The following YWHAG variants were observed in gnomAD, a reference collection of about 807,000 sequenced individuals.
YWHAG encodes the protein tyrosine 3-monooxygenase/tryptophan 5-monooxygenase activation protein gamma, also known as 14-3-3 protein gamma.
Under a neutral mutation model 23.3 loss-of-function variants are expected in YWHAG, and 1 was observed. That is an observed-to-expected ratio of 0.04 (90% CI 0.02 to 0.20). The LOEUF (loss-of-function observed/expected upper bound fraction) is 0.20. YWHAG is among the 10% of genes least tolerant of loss of function. The probability of loss-of-function intolerance (pLI) is 1.00; values close to 1 mark genes in which losing one functional copy is unlikely to be tolerated. For missense variants in YWHAG, 151 were observed against 338.6 expected (o/e 0.45, Z 4.35); for synonymous variants, 160 against 144.0 (o/e 1.11, Z -0.80).
rs143181339 is a variant in YWHAG, at chr7:76,344,174, G to A, written c.88-13941C>T. Among the ~76,000 whole-genome samples, 212 of 152,104 alleles carry A rather than the reference G, an allele frequency of 1.4e-3. 2 individuals are homozygous for A. Among genetic ancestry groups the A allele is most frequent in the African/African-American group, 5.0e-3 (207 of 41,510 alleles). On this transcript the variant is annotated intron_variant, in intron 1 of 1. Coordinates refer to ENST00000307630, the MANE Select transcript of YWHAG (RefSeq NM_012479.4). Reference sequence around the variant, plus strand: ...TGCCTAGGCTGGAATGCAGTGGTGCGATATCGGCTCACTGCAGCCTCCACC... The same window carrying A: ...TGCCTAGGCTGGAATGCAGTGGTGCAATATCGGCTCACTGCAGCCTCCACC...
intron 1 of YWHAG, among the ~76,000 whole-genome samples, chr7:76,355,722 CT>C (rs1803945638): frequency 6.6e-6 from 1 of 152,138 alleles, no homozygotes; most frequent in South Asian, 2.1e-4. Flanking sequence ...TTATGATAGC[CT>C]TTTGCCACCT....
intron 1 of YWHAG, among the ~76,000 whole-genome samples, chr7:76,358,242 G>A (rs183926849): frequency 6.6e-6 from 1 of 152,228 alleles, no homozygotes; most frequent in Non-Finnish European, 1.5e-5. Flanking sequence ...ATTCTGGGGG[G>A]GCTGGGGAGG....
chr7:76,352,414 T>G (rs955830693), intron 1 of YWHAG, among the ~76,000 whole-genome samples: 10 of 152,056 alleles, frequency 6.6e-5, no homozygotes, highest in African/African-American at 2.4e-4. Flanking sequence ...GCTACTGTCA[T>G]TACGTGTTCA....
At chr7:76,357,053 T>C (rs979091969) in intron 1 of YWHAG, among the ~76,000 whole-genome samples, 5 of 152,110 alleles carry the variant, frequency 3.3e-5, no homozygotes, top group African/African-American at 1.2e-4. Flanking sequence ...AAAAGAAATA[T>C]GGAAAAATTA....
In YWHAG at chr7:76,327,615, GC is replaced by G. The variant is rs944590840; in HGVS notation, c.*1961del. The G allele has an allele frequency of 2.1e-5, 3 of 140,274 alleles. No homozygotes were observed. The highest frequency in any genetic ancestry group is 8.4e-5 in the African/African-American group (3 of 35,694). The allele number at this position is 140,274 out of a possible 1,614,324, so 8.7% of individuals were successfully genotyped here. On this transcript the variant is annotated 3_prime_UTR_variant, in exon 2 of 2. Coordinates refer to ENST00000307630, the MANE Select transcript of YWHAG (RefSeq NM_012479.4). ...ATTTCCAAATGCTACAAGGAAAAAC[GC>G]AACACTGCTCACTGGACATGAAGAT...
At chr7:76,355,043 T>C (rs1298534613) in intron 1 of YWHAG, among the ~76,000 whole-genome samples, 1 of 152,192 alleles carries the variant, frequency 6.6e-6, no homozygotes, top group African/African-American at 2.4e-5. Context: ...TATCGACACA[T>C]TCCTGAATAG....
intron 1 of YWHAG, among the ~76,000 whole-genome samples, chr7:76,354,553 T>G (rs1803922691): frequency 6.6e-6 from 1 of 151,948 alleles, no homozygotes; most frequent in South Asian, 2.1e-4. Context: ...TAAAATAAAA[T>G]AAGGTTAGGA....
At chr7:76,352,798 C>T (rs898790003) in intron 1 of YWHAG, among the ~76,000 whole-genome samples, 11 of 151,826 alleles carry the variant, frequency 7.2e-5, no homozygotes, top group African/African-American at 2.2e-4. Flanking sequence ...TACAGGCATG[C>T]GCCACCATGC....
intron 1 of YWHAG, among the ~76,000 whole-genome samples, chr7:76,353,323 C>T (rs1242049359): frequency 2.6e-5 from 4 of 152,072 alleles, no homozygotes; most frequent in East Asian, 1.9e-4. Context: ...AGTAATTCTC[C>T]GGCCTCAGCC....
intron 1 of YWHAG, among the ~76,000 whole-genome samples, chr7:76,345,427 C>A (rs1803764256): frequency 6.6e-6 from 1 of 151,790 alleles, no homozygotes; most frequent in South Asian, 2.1e-4. Context: ...ACCTCGTGAT[C>A]CACCCGCCTC....
rs924912638 is a variant in YWHAG, at chr7:76,329,343, G to C, written c.*234C>G. Reference sequence around the variant, plus strand: ...TCCACTTGCATGAATCTACAGAACAGTCCAGACGCCAGTGTGAGGCTGCTA... The same window carrying C: ...TCCACTTGCATGAATCTACAGAACACTCCAGACGCCAGTGTGAGGCTGCTA... On this transcript the variant is annotated 3_prime_UTR_variant, in exon 2 of 2. Coordinates refer to ENST00000307630, the MANE Select transcript of YWHAG (RefSeq NM_012479.4). The surrounding 1 kb of genome is among the most constrained non-coding windows in gnomAD (Gnocchi z 6.1). The C allele has an allele frequency of 5.3e-6, 3 of 567,294 alleles. No individual in the cohort carries two copies. Among genetic ancestry groups the C allele is most frequent in the Non-Finnish European group, 9.3e-6 (3 of 321,776 alleles). The allele number at this position is 567,294 out of a possible 1,614,324, so 35.1% of individuals were successfully genotyped here.
chr7:76,333,804 G>A (rs995102829), intron 1 of YWHAG, among the ~76,000 whole-genome samples: 9 of 152,348 alleles, frequency 5.9e-5, no homozygotes, highest in East Asian at 1.9e-4. Context: ...AGAGGCCAGC[G>A]TGCCGAAGGC....
chr7:76,335,936 C>T (rs1261152142), intron 1 of YWHAG, among the ~76,000 whole-genome samples: 3 of 151,962 alleles, frequency 2.0e-5, no homozygotes, highest in African/African-American at 4.8e-5. Context: ...GGCAACAGAG[C>T]GATCTGTCCG....
At position 76,358,722 on chromosome 7, in the gene YWHAG, G is replaced by A; in HGVS notation, c.87C>T (p.Asn29=). ...RYDDMAAAMK[N]VTELNEPLSN... ...GCGGGGGAGGGGAGGAGACACTCAC[G>A]TTCTTCATGGCCGCGGCCATGTCGT... is the stretch of plus-strand genomic sequence containing the variant. Residue 29 remains asparagine (N), a splice_region_variant and synonymous_variant, in exon 1 of 2, where the codon AAC becomes AAT. Transcript: ENST00000307630. 5 of 1,588,804 alleles carry A rather than the reference G, an allele frequency of 3.1e-6. No homozygotes were observed. Among genetic ancestry groups the A allele is most frequent in the Non-Finnish European group, 4.3e-6 (5 of 1,168,796 alleles).
intron 1 of YWHAG, among the ~76,000 whole-genome samples, chr7:76,348,066 C>T (rs1026442377): frequency 3.3e-5 from 5 of 152,192 alleles, no homozygotes; most frequent in Non-Finnish European, 5.9e-5. Flanking sequence ...CTAGATGACA[C>T]GCCACCACCT....
At chr7:76,351,960 A>C (rs1222254453) in intron 1 of YWHAG, among the ~76,000 whole-genome samples, 1 of 152,112 alleles carries the variant, frequency 6.6e-6, no homozygotes, top group Non-Finnish European at 1.5e-5. Flanking sequence ...GTTGGGGACC[A>C]CTGCTCTTTA....
chr7:76,328,799 C>CAAAAAAAAAAAATCCCA lies in YWHAG; in HGVS notation c.*761_*777dup, dbSNP rs1803494447. ...ATTTACGTTAAGAGGAAAGAAGGACCAAAAAAAAAAAATCCCACAGCCACC... is the reference window on the plus strand; with the variant it reads ...ATTTACGTTAAGAGGAAAGAAGGACCAAAAAAAAAAAATCCCAAAAAAAAAAAAATCCCACAGCCACC... On this transcript the variant is annotated 3_prime_UTR_variant, in exon 2 of 2. Coordinates refer to ENST00000307630, the MANE Select transcript of YWHAG (RefSeq NM_012479.4). 6.8e-6 allele frequency: 1 copy of CAAAAAAAAAAAATCCCA among 147,822 alleles called. No individual in the cohort carries two copies. Among genetic ancestry groups the CAAAAAAAAAAAATCCCA allele is most frequent in the African/African-American group, 2.5e-5 (1 of 40,246 alleles). 9.2% of individuals were successfully genotyped at this position (147,822 alleles called of 1,614,324 possible).
chr7:76,358,205 G>C (rs1014732213), intron 1 of YWHAG, among the ~76,000 whole-genome samples: 1 of 152,212 alleles, frequency 6.6e-6, no homozygotes, highest in Non-Finnish European at 1.5e-5. Flanking sequence ...GATTCTCAGG[G>C]ATGTGTCGGG....
rs1803515120 is a variant in YWHAG at position 76,329,714 on chromosome 7, C to T, written c.607G>A (p.Asp203Asn). ...ACHLAKTAFD[D>N]AIAELDTLNE... ...AGGGTGTCAAGCTCGGCGATGGCGT[C>T]GTCGAACGCGGTCTTGGCCAAGTGG... Residue 203 changes from aspartate to asparagine, a missense_variant, in exon 2 of 2, where the codon GAC becomes AAC. Coordinates refer to ENST00000307630, the MANE Select transcript of YWHAG (RefSeq NM_012479.4). The surrounding 1 kb of genome is among the most constrained non-coding windows in gnomAD (Gnocchi z 6.1). 4 of 1,614,214 alleles carry T rather than the reference C, an allele frequency of 2.5e-6. No individual in the cohort carries two copies. Among genetic ancestry groups the T allele is most frequent in the East Asian group, 2.2e-5 (1 of 44,884 alleles).
Sources: gnomAD v4.1 joint callset for allele counts (sites outside exome capture counted in the v4.1 genomes callset) on GRCh38, gnomAD v4.1.1 for gene constraint, Gnocchi (gnomAD v3.1) non-coding constraint, MANE v1.5 for transcripts, NCBI Gene and HGNC (gene_info 2026-07-23, HGNC 2026-07-21) for gene names.